Variants in SLC25A37 observed in about 807,000 individuals in gnomAD.
SLC25A37 encodes solute carrier family 25 member 37.
SLC25A37 carries 17 observed loss-of-function variants against 31.0 expected under a neutral mutation model. The ratio of observed to expected loss-of-function variants is 0.55; its 90% confidence interval spans 0.38 to 0.82. The LOEUF is 0.82. Among genes scored for constraint, SLC25A37 ranks in the 40% least tolerant of loss-of-function variants. The probability of loss-of-function intolerance (pLI) is 0.00; values close to 1 mark genes in which losing one functional copy is unlikely to be tolerated. For missense variants in SLC25A37, 404 were observed against 465.8 expected (o/e 0.87, Z 1.22); for synonymous variants, 222 against 193.0 (o/e 1.15, Z -1.24).
In SLC25A37 at chr8:23,571,494, A is replaced by G. The variant is rs1309394566; in HGVS notation, c.656A>G (p.Tyr219Cys). 1 of 1,613,936 alleles carries G rather than the reference A, an allele frequency of 6.2e-7. No homozygotes were observed. Among genetic ancestry groups the G allele is most frequent in the South Asian group, 1.1e-5 (1 of 91,078 alleles). The change falls in exon 4 of 4, where the codon TAT (tyrosine) becomes TGT (cysteine). Residue 219 changes from tyrosine to cysteine, a missense_variant. Transcript: ENST00000519973. Reference protein sequence around the residue: ...IPFQSIHFITYEFLQEQVNPH... With the variant: ...IPFQSIHFITCEFLQEQVNPH... ...TTCCAGTCCATCCACTTCATCACCT[A>G]TGAGTTCCTGCAGGAGCAGGTCAAC... is the stretch of plus-strand genomic sequence containing the variant.
In SLC25A37 at chr8:23,571,423, G is replaced by A; in HGVS notation, c.585G>A (p.Gly195=). Residue 195 remains glycine, a synonymous_variant, in exon 4 of 4, where the codon GGG becomes GGA. Coordinates refer to ENST00000519973, the MANE Select transcript of SLC25A37 (RefSeq NM_016612.4). ...IRTVWRTEGL[G]AFYRSYTTQL... is the part of the protein sequence containing the mutation. The stretch of plus-strand genomic sequence containing the variant: ...CGGTGTGGAGGACCGAGGGGTTGGG[G>A]GCCTTCTACCGGAGCTACACCACGC... The A allele has an allele frequency of 6.2e-7, 1 of 1,613,908 alleles. No individual in the cohort carries two copies. The highest frequency in any genetic ancestry group is 8.5e-7 in the Non-Finnish European group (1 of 1,179,866).
At chr8:23,531,715 C>T (rs997216451) in intron 1 of SLC25A37, 2 of 152,126 alleles carry the variant, frequency 1.3e-5, no homozygotes, top group Non-Finnish European at 2.9e-5. Context: ...CTGTGCTGGT[C>T]ACTTTCAACC....
chr8:23,560,374 C>G (rs1196215274), intron 1 of SLC25A37, among the ~76,000 whole-genome samples: 1 of 152,248 alleles, frequency 6.6e-6, no homozygotes, highest in African/African-American at 2.4e-5. Flanking sequence ...CCTCTCTTGC[C>G]TCTCCTGAGG....
intron 1 of SLC25A37, among the ~76,000 whole-genome samples, chr8:23,555,833 C>A (rs1183818303): frequency 2.0e-5 from 3 of 152,198 alleles, no homozygotes; most frequent in Admixed American, 2.0e-4. Context: ...CCACTTTCTC[C>A]CCCCTCCAAC....
intron 3 of SLC25A37, among the ~76,000 whole-genome samples, chr8:23,570,720 G>A (rs191807305): frequency 1.2e-4 from 19 of 152,210 alleles, no homozygotes; most frequent in Admixed American, 7.2e-4. Flanking sequence ...CAATACATGA[G>A]GCCATTAAAA....
At chr8:23,532,804 TCTC>T (rs796192232) in intron 1 of SLC25A37, among the ~76,000 whole-genome samples, 40 of 152,198 alleles carry the variant, frequency 2.6e-4, no homozygotes, top group African/African-American at 9.4e-4. Context: ...ACTTCTGACT[TCTC>T]CTCTTCTGAG....
intron 1 of SLC25A37, among the ~76,000 whole-genome samples, chr8:23,530,899 C>T (rs531820490): frequency 5.3e-5 from 8 of 152,300 alleles, no homozygotes; most frequent in African/African-American, 1.7e-4. Flanking sequence ...AGGCGTTTCT[C>T]ACACGTTTAA....
Position 23,574,519 on chromosome 8 carries a change from T to A in SLC25A37, c.*2664T>A, listed in dbSNP as rs1212261266. 1.3e-5 allele frequency: 2 copies of A among 154,672 alleles called. No homozygotes were observed. The highest frequency in any genetic ancestry group is 4.8e-5 in the African/African-American group (2 of 41,474). The allele number at this position is 154,672 out of a possible 1,614,324, so 9.6% of individuals were successfully genotyped here. ...TCTGTGGGCCCTGATTGCAGGCCCC[T>A]CCCTGTGTGATGAGGGATGAGTCAG... is the stretch of plus-strand genomic sequence containing the variant. On this transcript the variant is annotated 3_prime_UTR_variant, in exon 4 of 4. Transcript: ENST00000519973.
At chr8:23,559,420 C>A (rs753937706) in intron 1 of SLC25A37, among the ~76,000 whole-genome samples, 1 of 152,112 alleles carries the variant, frequency 6.6e-6, no homozygotes, top group African/African-American at 2.4e-5. Context: ...CATCCTGATT[C>A]ATTCATTTCC....
chr8:23,532,031 C>T (rs542246445), intron 1 of SLC25A37: 20 of 152,286 alleles, frequency 1.3e-4, no homozygotes, highest in African/African-American at 2.9e-4. Flanking sequence ...ATTTTACAGA[C>T]GTGTACAATG....
chr8:23,561,547 G>A (rs1319038569), intron 1 of SLC25A37, among the ~76,000 whole-genome samples: 1 of 152,206 alleles, frequency 6.6e-6, no homozygotes, highest in Admixed American at 6.5e-5. Flanking sequence ...TAAGGTTAAG[G>A]AACCTGCTTG....
At chr8:23,547,813 T>G (rs757360329) in intron 1 of SLC25A37, among the ~76,000 whole-genome samples, 2 of 152,160 alleles carry the variant, frequency 1.3e-5, no homozygotes, top group Non-Finnish European at 2.9e-5. Context: ...AAATCATCCA[T>G]CCGGGCAATT....
chr8:23,549,329 G>A (rs137947589), intron 1 of SLC25A37, among the ~76,000 whole-genome samples: 76 of 152,234 alleles, frequency 5.0e-4, no homozygotes, highest in African/African-American at 1.8e-3. Flanking sequence ...AGACGGCTTT[G>A]GTTTAAATTG....
chr8:23,557,518 G>A (rs1042613082), intron 1 of SLC25A37, among the ~76,000 whole-genome samples: 3 of 152,162 alleles, frequency 2.0e-5, no homozygotes, highest in Non-Finnish European at 2.9e-5. Flanking sequence ...GATTTGTGGC[G>A]TGGAGTTTCA....
In SLC25A37 at chr8:23,549,085, T is replaced by C. The variant is rs550954070; in HGVS notation, c.211-17023T>C. Reference sequence around the variant, plus strand: ...TTTAGAGTTTGGAATTTTTTATCGATAGGATTTTTAGTACTCTCTCTCTCC... The same window carrying C: ...TTTAGAGTTTGGAATTTTTTATCGACAGGATTTTTAGTACTCTCTCTCTCC... On this transcript the variant is annotated intron_variant, in intron 1 of 3. Transcript: ENST00000519973. 3.3e-5 allele frequency among the ~76,000 whole-genome samples: 5 copies of C among 152,304 alleles called. No individual in the cohort carries two copies. In the East Asian group the frequency reaches 9.6e-4, roughly 29 times the overall value.
chr8:23,566,728 A>G (rs1778734566), intron 2 of SLC25A37: 1 of 1,001,936 alleles, frequency 1.0e-6, no homozygotes, highest in South Asian at 4.2e-5. Context: ...AAAAAAAAAA[A>G]AGTTATCTGG....
intron 1 of SLC25A37, among the ~76,000 whole-genome samples, chr8:23,537,985 A>G (rs1801805470): frequency 1.3e-5 from 2 of 152,084 alleles, no homozygotes; most frequent in Admixed American, 1.3e-4. Flanking sequence ...TCTTGGACTC[A>G]TCCACAGAAT....
chr8:23,568,327 G>A lies in SLC25A37; in HGVS notation c.445G>A (p.Ala149Thr). 6.2e-7 allele frequency: 1 copy of A among 1,613,934 alleles called. No individual in the cohort carries two copies. Among genetic ancestry groups the A allele is most frequent in the Non-Finnish European group, 8.5e-7 (1 of 1,179,878 alleles). Residue 149 changes from alanine to threonine, a missense_variant, in exon 3 of 4, where the codon GCT becomes ACT. Physicochemically the swap from Ala to Thr is moderately conservative, Grantham distance 58 (BLOSUM62 0). This residue lies in a region of SLC25A37 where 243 missense variants were observed against 284.4 expected (regional missense o/e 0.85). Transcript: ENST00000519973. ...QGNSHLANGI[A>T]GSMATLLHDA... is the part of the protein sequence containing the mutation. The stretch of plus-strand genomic sequence containing the variant: ...TTCTGGAGTTTGTTTTGCAGGGATA[G>A]CTGGGAGTATGGCCACCCTGCTCCA...
rs527342370 is a variant in SLC25A37, at chr8:23,546,410, ATCTC to A, written c.210+17202_210+17205del. Among the ~76,000 whole-genome samples the A allele has an allele frequency of 2.1e-3, 318 of 151,438 alleles. 2 individuals carry two copies. The highest frequency in any genetic ancestry group is 1.4e-3 in the Non-Finnish European group (94 of 67,890). On this transcript the variant is annotated intron_variant, in intron 1 of 3. Coordinates refer to ENST00000519973, the MANE Select transcript of SLC25A37 (RefSeq NM_016612.4). ...CAAGTGTACATAAGTAAGACTGGAG[ATCTC>A]TCTGTTAATGAAATTGTGCTTAAAA...
Sources: gnomAD v4.1 joint callset for allele counts (sites outside exome capture counted in the v4.1 genomes callset) on GRCh38, gnomAD v4.1.1 for gene constraint, gnomAD v4.1.1 regional missense constraint, MANE v1.5 for transcripts, NCBI Gene and HGNC (gene_info 2026-07-23, HGNC 2026-07-21) for gene names.